Variants in SPAG16 observed in about 807,000 individuals in gnomAD.
SPAG16 encodes sperm associated antigen 16.
SPAG16 carries 86 observed loss-of-function variants against 80.4 expected under a neutral mutation model. The ratio of observed to expected loss-of-function variants is 1.07; its 90% confidence interval spans 0.90 to 1.28. The LOEUF is 1.28. Among genes scored for constraint, SPAG16 ranks in the 50% most tolerant of loss-of-function variants. SPAG16 has a pLI of 0.00. For synonymous variants in SPAG16, 294 were observed against 265.9 expected, an observed-to-expected ratio of 1.11 and a Z score of -1.03; for missense variants, 870 against 765.3, an observed-to-expected ratio of 1.14 and a Z score of -1.61.
At chr2:214,160,195 TATA>T (rs34015131) in intron 15 of SPAG16, among the ~76,000 whole-genome samples, 47,649 of 151,698 alleles carry the variant, frequency 0.31, 9,405 homozygotes, top group Non-Finnish European at 0.43. Context: ...TGGGCATTCC[TATA>T]ATATTAGCTA....
In SPAG16 at chr2:214,264,933, C is replaced by T. The variant is rs529586169; in HGVS notation, c.1720+115667C>T. ...ACTAAGCAATATGGATTCAAGGTTC[C>T]CCTATGTCTCTTCATGGTTTGATAG... On this transcript the variant is annotated intron_variant, in intron 15 of 15. Coordinates refer to ENST00000331683, the MANE Select transcript of SPAG16 (RefSeq NM_024532.5). 7.4e-4 allele frequency among the ~76,000 whole-genome samples: 113 copies of T among 152,156 alleles called. 1 individual carries two copies. Among genetic ancestry groups the T allele is most frequent in the African/African-American group, 2.5e-3 (103 of 41,528 alleles).
intron 10 of SPAG16, among the ~76,000 whole-genome samples, chr2:213,766,433 C>A (rs2068942423): frequency 6.6e-6 from 1 of 152,160 alleles, no homozygotes; most frequent in South Asian, 2.1e-4. Context: ...GTTGGGAGCT[C>A]TATGCAGTGA....
In SPAG16 at chr2:214,046,827, C is replaced by A. The variant is rs561687207; in HGVS notation, c.1527+32750C>A. ...CAAGAAAACTGTTAAAACTTATAAA[C>A]AAATTCAGTAATGTTCCAGGATAAA... On this transcript the variant is annotated intron_variant, in intron 13 of 15. Coordinates refer to ENST00000331683, the MANE Select transcript of SPAG16 (RefSeq NM_024532.5). Among the ~76,000 whole-genome samples, 3 of 150,888 alleles carry A rather than the reference C, an allele frequency of 2.0e-5. No homozygotes were observed. The South Asian group carries it at 6.3e-4, about 32-fold the overall frequency.
At chr2:213,894,515 C>T (rs2076912633) in intron 11 of SPAG16, among the ~76,000 whole-genome samples, 2 of 152,214 alleles carry the variant, frequency 1.3e-5, no homozygotes, top group African/African-American at 2.4e-5. Flanking sequence ...GAAGACCTTT[C>T]CTCTAGATTT....
intron 13 of SPAG16, among the ~76,000 whole-genome samples, chr2:214,049,888 G>A (rs748623479): frequency 7.2e-5 from 11 of 152,158 alleles, no homozygotes; most frequent in Non-Finnish European, 1.6e-4. Flanking sequence ...TTATAGAAAC[G>A]TCATTTGAAA....
rs2125124626 is a variant in SPAG16, at chr2:213,364,099, G to A, written c.786G>A (p.Leu262=). ...VGQISGLQET[L]KKLQRGHSYH... is the part of the protein sequence containing the mutation. ...AGATTTCTGGACTTCAAGAAACATT[G>A]AAGAAACTGCAAAGAGGACATAGTT... Residue 262 remains leucine (L), a synonymous_variant, in exon 8 of 16, where the codon TTG becomes TTA. Coordinates refer to ENST00000331683, the MANE Select transcript of SPAG16 (RefSeq NM_024532.5). 2 of 1,521,370 alleles carry A rather than the reference G, an allele frequency of 1.3e-6. No homozygotes were observed. The highest frequency in any genetic ancestry group is 1.8e-4 in the Middle Eastern group (1 of 5,436). The allele number at this position is 1,521,370 out of a possible 1,614,324, so 94.2% of individuals were successfully genotyped here.
At chr2:213,675,647 T>G (rs1261216781) in intron 10 of SPAG16, among the ~76,000 whole-genome samples, 9 of 152,240 alleles carry the variant, frequency 5.9e-5, no homozygotes, top group African/African-American at 2.2e-4. Context: ...TAGGGAATCC[T>G]TTCCCCAATA....
chr2:213,610,603 T>C, intron 10 of SPAG16, among the ~76,000 whole-genome samples: 1 of 152,172 alleles, frequency 6.6e-6, no homozygotes, highest in East Asian at 1.9e-4. Context: ...AGTTCTTGGA[T>C]CTTGCGCAAG....
At chr2:213,308,034 T>C (rs2063026014) in intron 3 of SPAG16, among the ~76,000 whole-genome samples, 1 of 152,132 alleles carries the variant, frequency 6.6e-6, no homozygotes, top group Non-Finnish European at 1.5e-5. Context: ...GCTGCTGAGT[T>C]TCTGTAGGTG....
chr2:213,492,685 G>GT (rs11421804), intron 10 of SPAG16, among the ~76,000 whole-genome samples: 49,626 of 136,138 alleles, frequency 0.36, 8,747 homozygotes, highest in Middle Eastern at 0.54. Flanking sequence ...AAAGAAAGTT[G>GT]TTTTTTTTTT....
intron 10 of SPAG16, among the ~76,000 whole-genome samples, chr2:213,512,866 T>C (rs1390701079): frequency 6.6e-6 from 1 of 152,124 alleles, no homozygotes; most frequent in Non-Finnish European, 1.5e-5. Flanking sequence ...CTAGTCATTA[T>C]GGCACTCCCA....
At chr2:213,742,032 T>A (rs2067577225) in intron 10 of SPAG16, among the ~76,000 whole-genome samples, 1 of 152,136 alleles carries the variant, frequency 6.6e-6, no homozygotes, top group Non-Finnish European at 1.5e-5. Flanking sequence ...TAGTTCTCAT[T>A]TGTTTTTAAT....
At chr2:213,667,960 T>TTTATTTATTTAC (rs2063671914) in intron 10 of SPAG16, among the ~76,000 whole-genome samples, 1 of 151,490 alleles carries the variant, frequency 6.6e-6, no homozygotes, top group African/African-American at 2.4e-5. Context: ...TATTTATTTA[T>TTTATTTATTTAC]TTTTGAGACA....
rs1694470893 is a variant in SPAG16 at position 214,300,508 on chromosome 2, AT to A, written c.1721-109625del. ...ACCTATATTTGAGTCTTTTTTACAA[AT>A]TTTTTTAAAGAAGTAAATTTGTACT... On this transcript the variant is annotated intron_variant, in intron 15 of 15. Coordinates refer to ENST00000331683, the MANE Select transcript of SPAG16 (RefSeq NM_024532.5). Among the ~76,000 whole-genome samples, 4 of 152,160 alleles carry A rather than the reference AT, an allele frequency of 2.6e-5. No individual in the cohort carries two copies. In the East Asian group the frequency reaches 5.8e-4, roughly 22 times the overall value.
chr2:213,921,700 T>G (rs2078232572), intron 11 of SPAG16, among the ~76,000 whole-genome samples: 1 of 152,248 alleles, frequency 6.6e-6, no homozygotes, highest in Non-Finnish European at 1.5e-5. Context: ...AGCACTCCTT[T>G]CAGGACCACT....
intron 15 of SPAG16, among the ~76,000 whole-genome samples, chr2:214,268,808 T>C (rs1255165191): frequency 1.3e-5 from 2 of 151,862 alleles, no homozygotes; most frequent in African/African-American, 2.4e-5. Context: ...TCATTAGATA[T>C]ACCATTAGCT....
chr2:213,474,584 C>T (rs969007907), intron 9 of SPAG16, among the ~76,000 whole-genome samples: 3 of 152,120 alleles, frequency 2.0e-5, no homozygotes, highest in African/African-American at 7.2e-5. Context: ...TCTCTATAAG[C>T]AGTTCACACC....
At chr2:214,314,351 A>G (rs1469927576) in intron 15 of SPAG16, among the ~76,000 whole-genome samples, 1 of 152,236 alleles carries the variant, frequency 6.6e-6, no homozygotes, top group Non-Finnish European at 1.5e-5. Flanking sequence ...TTACTTATAT[A>G]GGATTTCTAA....
intron 14 of SPAG16, among the ~76,000 whole-genome samples, chr2:214,140,748 G>T (rs1179495466): frequency 6.6e-6 from 1 of 151,396 alleles, no homozygotes; most frequent in Non-Finnish European, 1.5e-5. Context: ...TATTCTACAA[G>T]CTTCTTAGGA....
Sources: gnomAD v4.1 joint callset for allele counts (sites outside exome capture counted in the v4.1 genomes callset) on GRCh38, gnomAD v4.1.1 for gene constraint, MANE v1.5 for transcripts, NCBI Gene and HGNC (gene_info 2026-07-23, HGNC 2026-07-21) for gene names.